The following SPON1 variants were observed in gnomAD, a reference collection of about 807,000 sequenced individuals.
SPON1 encodes spondin 1.
In SPON1, 52 loss-of-function variants were observed where a neutral mutation model predicts 111.7. The ratio of observed to expected loss-of-function variants is 0.47; its 90% CI spans 0.37 to 0.59. The LOEUF (loss-of-function observed/expected upper bound fraction) is 0.59. SPON1 is among the 20% of genes least tolerant of loss of function. SPON1 has a pLI of 0.00. For synonymous variants in SPON1, 410 were observed against 395.8 expected, an observed-to-expected ratio of 1.04 and a Z score of -0.43; for missense variants, 957 against 1,068.5, an observed-to-expected ratio of 0.90 and a Z score of 1.46.
chr11:13,968,495 CATT>C (rs1848036789), intron 1 of SPON1, among the ~76,000 whole-genome samples: 2 of 152,222 alleles, frequency 1.3e-5, no homozygotes, highest in African/African-American at 4.8e-5. Flanking sequence ...AGAGTAAACT[CATT>C]AATTGTGTAT....
At chr11:14,070,916 G>A (rs1848870788) in intron 3 of SPON1, among the ~76,000 whole-genome samples, 2 of 152,080 alleles carry the variant, frequency 1.3e-5, no homozygotes, top group Non-Finnish European at 2.9e-5. Context: ...GAAATGATTA[G>A]TGAGTTATTT....
intron 2 of SPON1, among the ~76,000 whole-genome samples, chr11:14,027,478 TG>T (rs1848527356): frequency 6.6e-6 from 1 of 152,226 alleles, no homozygotes; most frequent in African/African-American, 2.4e-5. Context: ...GGACTTTAAA[TG>T]AGCTGACATA....
intron 5 of SPON1, among the ~76,000 whole-genome samples, chr11:14,093,180 A>C (rs1554923571): frequency 6.6e-6 from 1 of 152,234 alleles, no homozygotes; most frequent in African/African-American, 2.4e-5. Flanking sequence ...AAGAACTGCC[A>C]GCTCCTGCAA....
At chr11:14,109,585 TA>T (rs781845460) in intron 5 of SPON1, among the ~76,000 whole-genome samples, 1 of 152,198 alleles carries the variant, frequency 6.6e-6, no homozygotes, top group Non-Finnish European at 1.5e-5. Context: ...TAAATATTTT[TA>T]TATGTCTTTA....
At chr11:14,195,233 G>A (rs571589772) in intron 6 of SPON1, among the ~76,000 whole-genome samples, 2 of 152,324 alleles carry the variant, frequency 1.3e-5, no homozygotes, top group East Asian at 3.9e-4. Flanking sequence ...GAAAATGGCT[G>A]CCTCTGATCA....
At chr11:14,035,678 C>G (rs1848589673) in intron 2 of SPON1, among the ~76,000 whole-genome samples, 1 of 150,232 alleles carries the variant, frequency 6.7e-6, no homozygotes, top group African/African-American at 2.5e-5. Context: ...AGTGCAGTGG[C>G]ACAATCACAG....
Position 13,982,950 on chromosome 11 carries a change from C to T in SPON1, c.342C>T (p.Phe114=), listed in dbSNP as rs1848155748. 6.5e-7 allele frequency: 1 copy of T among 1,544,844 alleles called. No individual in the cohort carries two copies. Among genetic ancestry groups the T allele is most frequent in the South Asian group, 1.2e-5 (1 of 83,938 alleles). The change falls in exon 2 of 16, where the codon TTC becomes TTT. Residue 114 remains phenylalanine (F), a synonymous_variant. Coordinates refer to ENST00000576479, the MANE Select transcript of SPON1 (RefSeq NM_006108.4). ...AGGAAGAAGACCATGCTGGGACCTT[C>T]CAGGTAAGACCCTGCCTGGGCTTAT... The part of the protein sequence containing the change: ...GDKEEDHAGT[F]QIIDEEETQF...
chr11:14,025,500 G>GC (rs1848511031), intron 2 of SPON1, among the ~76,000 whole-genome samples: 1 of 152,198 alleles, frequency 6.6e-6, no homozygotes, highest in Admixed American at 6.5e-5. Context: ...ATCACCTGAA[G>GC]CCCTTAGGAG....
intron 2 of SPON1, among the ~76,000 whole-genome samples, chr11:14,022,228 A>G (rs1554914838): frequency 2.0e-5 from 3 of 152,254 alleles, no homozygotes; most frequent in Non-Finnish European, 2.9e-5. Context: ...GGAATTCAGA[A>G]TATCAGCCAG....
intron 4 of SPON1, among the ~76,000 whole-genome samples, chr11:14,078,113 A>G (rs1848932877): frequency 6.6e-6 from 1 of 152,158 alleles, no homozygotes; most frequent in African/African-American, 2.4e-5. Context: ...AGCCTGATTC[A>G]TTTTCAATAG....
intron 2 of SPON1, among the ~76,000 whole-genome samples, chr11:14,023,592 G>A (rs1848496007): frequency 1.3e-5 from 2 of 152,220 alleles, no homozygotes; most frequent in South Asian, 4.1e-4. Context: ...TTCTTTGGAG[G>A]TGGGCTGACT....
chr11:14,003,160 T>C (rs1422532021), intron 2 of SPON1, among the ~76,000 whole-genome samples: 1 of 152,164 alleles, frequency 6.6e-6, no homozygotes, highest in African/African-American at 2.4e-5. Context: ...TCTTCTCATG[T>C]CTTTCTGGTT....
intron 6 of SPON1, among the ~76,000 whole-genome samples, chr11:14,191,371 C>T (rs1330843360): frequency 1.3e-5 from 2 of 152,204 alleles, no homozygotes; most frequent in Non-Finnish European, 2.9e-5. Flanking sequence ...TTGTGCTGAG[C>T]TTTCTGCCTC....
chr11:14,187,704 T>A (rs1226716841), intron 6 of SPON1, among the ~76,000 whole-genome samples: 1 of 152,120 alleles, frequency 6.6e-6, no homozygotes, highest in Non-Finnish European at 1.5e-5. Context: ...AACCTCCACC[T>A]CCCAGATTCA....
chr11:14,193,437 C>T (rs960713673), intron 6 of SPON1, among the ~76,000 whole-genome samples: 5 of 152,232 alleles, frequency 3.3e-5, no homozygotes, highest in South Asian at 2.1e-4. Context: ...TTGTGGTAAA[C>T]GTATGCACAC....
At chr11:14,052,610 C>T (rs1554918725) in intron 3 of SPON1, among the ~76,000 whole-genome samples, 1 of 152,140 alleles carries the variant, frequency 6.6e-6, no homozygotes, top group Non-Finnish European at 1.5e-5. Flanking sequence ...TTGGAAAGAC[C>T]AATGCCATGG....
Position 14,046,950 on chromosome 11 carries a change from T to G in SPON1, c.479+5296T>G, listed in dbSNP as rs958126964. 2.0e-5 allele frequency among the ~76,000 whole-genome samples: 3 copies of G among 152,174 alleles called. No individual in the cohort carries two copies. The South Asian group carries it at 6.2e-4, about 32-fold the overall frequency. ...TTCCCCACATAGGTAATTTATAGTT[T>G]TATTTCTTTTGTGAATGGGATCTTT... On this transcript the variant is annotated intron_variant, in intron 3 of 15. Transcript: ENST00000576479.
In SPON1 at chr11:13,962,825, G is replaced by C. The variant is rs1030802799; in HGVS notation, c.-80G>C. On this transcript the variant is annotated 5_prime_UTR_variant, in exon 1 of 16. Coordinates refer to ENST00000576479, the MANE Select transcript of SPON1 (RefSeq NM_006108.4). Reference sequence around the variant, plus strand: ...CTCTCCGCCGCGCCTCCGCCAGGTCGCGCCTTCGTCGGGACCACTTCGGGC... The same window carrying C: ...CTCTCCGCCGCGCCTCCGCCAGGTCCCGCCTTCGTCGGGACCACTTCGGGC... The C allele has an allele frequency of 4.6e-6, 6 of 1,293,338 alleles. No individual in the cohort carries two copies. The African/African-American group carries it at 9.5e-5, about 20-fold the overall frequency. The allele number at this position is 1,293,338 out of a possible 1,614,324, so 80.1% of individuals were successfully genotyped here.
intron 6 of SPON1, among the ~76,000 whole-genome samples, chr11:14,214,536 T>C (rs1848607458): frequency 6.6e-6 from 1 of 152,200 alleles, no homozygotes; most frequent in Admixed American, 6.5e-5. Context: ...CACTTTAAAC[T>C]ATACATTTGA....
Sources: allele counts gnomAD v4.1 joint callset (sites outside exome capture counted in the v4.1 genomes callset), GRCh38; gene constraint gnomAD v4.1.1; transcripts MANE v1.5; gene names NCBI Gene and HGNC (gene_info 2026-07-23, HGNC 2026-07-21).